ARID4A: variants seen among roughly 807,000 people sequenced by gnomAD.
The protein encoded by ARID4A is AT-rich interaction domain 4A, also known as AT-rich interactive domain-containing protein 4A.
A neutral mutation model predicts 148.6 loss-of-function variants in ARID4A; 39 were observed. That is an observed-to-expected ratio of 0.26 (90% CI 0.20 to 0.34). The LOEUF is 0.34. Among genes scored for constraint, ARID4A ranks in the 10% least tolerant of loss-of-function variants. The pLI, the probability that ARID4A is intolerant of heterozygous loss-of-function variation, is 1.00. For synonymous variants in ARID4A, 475 were observed against 481.2 expected (o/e 0.99, Z 0.17); for missense variants, 1,265 against 1,449.1 (o/e 0.87, Z 2.06).
chr14:58,318,834 T>G (rs780383415), intron 7 of ARID4A, 29 bp downstream of exon 7: 1 of 1,539,358 alleles, frequency 6.5e-7, no homozygotes, highest in South Asian at 1.1e-5. Context: ...GGTATCATTT[T>G]AATTACAATT....
chr14:58,345,098 C>CA (rs2034296556), intron 12 of ARID4A, among the ~76,000 whole-genome samples: 1 of 151,962 alleles, frequency 6.6e-6, no homozygotes, highest in South Asian at 2.1e-4. Context: ...AGGCTGGTCT[C>CA]AAACTCCTGG....
chr14:58,321,389 T>C (rs897101135), intron 7 of ARID4A, among the ~76,000 whole-genome samples: 1 of 152,200 alleles, frequency 6.6e-6, no homozygotes, highest in African/African-American at 2.4e-5. Context: ...ACTTAATGGG[T>C]TACAATTCAG....
intron 1 of ARID4A, 48 bp from the exon 2 acceptor site, chr14:58,299,750 C>T: frequency 6.5e-7 from 1 of 1,528,284 alleles, no homozygotes; most frequent in Non-Finnish European, 9.1e-7. Context: ...TGGTCGCTCC[C>T]CGCAGTTGAC....
chr14:58,354,692 A>T (rs867590525), intron 17 of ARID4A, among the ~76,000 whole-genome samples: 17 of 150,700 alleles, frequency 1.1e-4, no homozygotes, highest in African/African-American at 2.7e-4. Flanking sequence ...CATAAATAAA[A>T]AAAAAAAAAA....
rs1470448158 is a variant in ARID4A, at chr14:58,349,811, T to C, written c.1405-1262T>C. Among the ~76,000 whole-genome samples, 7 of 152,076 alleles carry C rather than the reference T, an allele frequency of 4.6e-5. No individual in the cohort carries two copies. The East Asian group carries it at 1.4e-3, about 30-fold the overall frequency. ...GTTTTCATTCATTTACCTATAGATA[T>C]TTTAAAAGCACCTGCTAGGCCGGGC... On this transcript the variant is annotated intron_variant, in intron 15 of 23. Transcript: ENST00000355431.
chr14:58,326,870 GTGGTATCAC>G (rs1158175500), intron 8 of ARID4A, among the ~76,000 whole-genome samples: 3 of 152,154 alleles, frequency 2.0e-5, no homozygotes, highest in Non-Finnish European at 4.4e-5. Flanking sequence ...TATGTGCCTA[GTGGTATCAC>G]TGTACTTATC....
At chr14:58,339,417 A>C (rs1870229831) in intron 11 of ARID4A, among the ~76,000 whole-genome samples, 1 of 152,144 alleles carries the variant, frequency 6.6e-6, no homozygotes, top group Non-Finnish European at 1.5e-5. Flanking sequence ...TAAAAATGTC[A>C]ATTTTTGTGG....
intron 23 of ARID4A, among the ~76,000 whole-genome samples, chr14:58,367,958 G>A (rs1439435863): frequency 6.6e-6 from 1 of 152,126 alleles, no homozygotes; most frequent in Admixed American, 6.6e-5. Context: ...TGTAACCCCA[G>A]AAAAGCTTTC....
chr14:58,339,043 C>A (rs1439271472), intron 11 of ARID4A, among the ~76,000 whole-genome samples: 1 of 149,126 alleles, frequency 6.7e-6, no homozygotes, highest in Non-Finnish European at 1.5e-5. Context: ...TAGCTCACTG[C>A]AGCCTCAACT....
At chr14:58,327,024 G>A (rs1307697059) in intron 8 of ARID4A, among the ~76,000 whole-genome samples, 3 of 152,090 alleles carry the variant, frequency 2.0e-5, no homozygotes, top group Admixed American at 6.5e-5. Context: ...ACTTCCATCT[G>A]GTGTTAAGAC....
intron 4 of ARID4A, among the ~76,000 whole-genome samples, chr14:58,305,290 T>C (rs556550978): frequency 8.4e-4 from 128 of 152,298 alleles, no homozygotes; most frequent in African/African-American, 3.0e-3. Context: ...TACCTGGCTT[T>C]GTTTTTCACA....
chr14:58,301,366 A>G (rs1042295029), intron 2 of ARID4A, among the ~76,000 whole-genome samples: 18 of 152,250 alleles, frequency 1.2e-4, no homozygotes, highest in African/African-American at 4.3e-4. Context: ...ATTTTGAATT[A>G]CAACTTTAAA....
chr14:58,363,134 AC>A (rs1457441830), intron 19 of ARID4A, among the ~76,000 whole-genome samples: 4 of 152,226 alleles, frequency 2.6e-5, no homozygotes, highest in African/African-American at 9.6e-5. Context: ...ATTTTTTAAA[AC>A]ATGAAAATGA....
At chr14:58,305,919 A>T in intron 4 of ARID4A, 103 bp from the exon 5 acceptor site, 1 of 780,176 alleles carries the variant, frequency 1.3e-6, no homozygotes, top group East Asian at 2.5e-5. Context: ...TAGAATTATC[A>T]TAAGTATGGT....
chr14:58,364,172 T>C lies in ARID4A; in HGVS notation c.2083T>C (p.Ser695Pro), dbSNP rs1213623871. Residue 695 changes from serine to proline, a missense_variant and splice_region_variant, in exon 20 of 24, where the codon TCT becomes CCT. Ser to Pro is a moderately conservative substitution (Grantham distance 74, BLOSUM62 -1). This residue lies in a region of ARID4A where 666 missense variants were observed against 730.9 expected (regional missense o/e 0.91). Transcript: ENST00000355431. ...TATAATAATATTTCCTCTTACAGAC[T>C]CTTGTTCATCTGATAGTGAAACAGA... ...KTANSEGKSD[S>P]CSSDSETEDA... 1 of 1,362,978 alleles carries C rather than the reference T, an allele frequency of 7.3e-7. No homozygotes were observed. The highest frequency in any genetic ancestry group is 2.5e-5 in the East Asian group (1 of 39,576). 84.4% of individuals were successfully genotyped at this position (1,362,978 alleles called of 1,614,324 possible).
At chr14:58,311,854 A>C (rs1232080169) in intron 5 of ARID4A, among the ~76,000 whole-genome samples, 1 of 134,344 alleles carries the variant, frequency 7.4e-6, no homozygotes, top group African/African-American at 2.8e-5. Flanking sequence ...CAAATACCAT[A>C]TGATCTCACT....
At chr14:58,363,834 C>T (rs181831909) in intron 19 of ARID4A, among the ~76,000 whole-genome samples, 1 of 152,258 alleles carries the variant, frequency 6.6e-6, no homozygotes, top group Admixed American at 6.5e-5. Flanking sequence ...AACAAATTAA[C>T]TTCATGTCTA....
chr14:58,329,571 A>G lies in ARID4A; in HGVS notation c.706A>G (p.Asn236Asp). The G allele has an allele frequency of 6.2e-7, 1 of 1,606,800 alleles. No individual in the cohort carries two copies. ...RKDIKEVDIL[N>D]LPESELSTKP... ...GGACATTAAGGAAGTAGACATTCTC[A>G]ATCTACCGGAATCTGAGCTCTCCAC... Residue 236 changes from asparagine (N) to aspartate (D), a missense_variant, in exon 10 of 24, where the codon AAT becomes GAT. By Grantham distance (23) the Asn-to-Asp change is conservative. Transcript: ENST00000355431.
rs2033028423 is a variant in ARID4A at position 58,323,466 on chromosome 14, A to C, written c.450-19A>C. ...AATTGTTTGTGTTAGGATAATGATCAAGTTATTCTAACTTTTAGTACTGAA... is the reference window on the plus strand; with the variant it reads ...AATTGTTTGTGTTAGGATAATGATCCAGTTATTCTAACTTTTAGTACTGAA... On this transcript the variant is annotated intron_variant, in intron 7 of 23. Transcript: ENST00000355431. The C allele has an allele frequency of 4.4e-6, 7 of 1,598,084 alleles. No individual in the cohort carries two copies. The highest frequency in any genetic ancestry group is 1.1e-5 in the South Asian group (1 of 90,640).
Sources: allele counts gnomAD v4.1 joint callset (sites outside exome capture counted in the v4.1 genomes callset), GRCh38; gene constraint gnomAD v4.1.1; regional missense constraint gnomAD v4.1.1; transcripts MANE v1.5; gene names NCBI Gene and HGNC (gene_info 2026-07-23, HGNC 2026-07-21).